The following TRPM6 variants were observed in gnomAD, a reference collection of about 807,000 sequenced individuals.
The protein encoded by TRPM6 is channel kinase 2.
TRPM6 carries 111 observed loss-of-function variants against 247.6 expected under a neutral mutation model. The observed-to-expected ratio is 0.45, with a 90% CI of 0.38 to 0.52. The LOEUF (loss-of-function observed/expected upper bound fraction) is 0.52, where lower values mean the gene tolerates loss of function less well. TRPM6 is among the 20% of genes least tolerant of loss of function. The pLI is 0.00. For missense variants in TRPM6, 2,126 were observed against 2,421.5 expected (o/e 0.88, Z 2.56); for synonymous variants, 892 against 853.8 (o/e 1.04, Z -0.78).
chr9:74,845,799 C>A (rs565722850), intron 3 of TRPM6, among the ~76,000 whole-genome samples: 1 of 152,234 alleles, frequency 6.6e-6, no homozygotes, highest in African/African-American at 2.4e-5. Flanking sequence ...TGCACTCCAG[C>A]CTGGGCAACA....
At position 74,728,358 on chromosome 9, in the gene TRPM6, T is replaced by C. The variant is rs758375166; in HGVS notation, c.5829-13A>G. On this transcript the variant is annotated splice_polypyrimidine_tract_variant and intron_variant, in intron 37 of 38. Coordinates refer to ENST00000360774, the MANE Select transcript of TRPM6 (RefSeq NM_017662.5). ...CATTCCTCTTGATCTAGAGGAAATA[T>C]CAGAATATCAATTAGATCACAGCTA... The C allele has an allele frequency of 1.3e-6, 2 of 1,554,344 alleles. No individual in the cohort carries two copies. Among genetic ancestry groups the C allele is most frequent in the Non-Finnish European group, 1.8e-6 (2 of 1,125,746 alleles).
chr9:74,820,639 C>A (rs1004716781), intron 8 of TRPM6, among the ~76,000 whole-genome samples: 1 of 152,156 alleles, frequency 6.6e-6, no homozygotes, highest in Non-Finnish European at 1.5e-5. Flanking sequence ...TGATGGCTCA[C>A]ACCTGTAATC....
chr9:74,845,268 G>A (rs2118232840), intron 3 of TRPM6, among the ~76,000 whole-genome samples: 1 of 152,284 alleles, frequency 6.6e-6, no homozygotes, highest in East Asian at 1.9e-4. Context: ...TATAAAAAAT[G>A]CAATATCAGT....
intron 3 of TRPM6, among the ~76,000 whole-genome samples, chr9:74,847,825 T>C (rs115449202): frequency 0.014 from 2,100 of 152,106 alleles, 58 homozygotes; most frequent in African/African-American, 0.048. Context: ...GAAAAATAGA[T>C]AAATAATGAA....
At chr9:74,823,604 C>A (rs1322326858) in intron 7 of TRPM6, among the ~76,000 whole-genome samples, 3 of 152,094 alleles carry the variant, frequency 2.0e-5, no homozygotes, top group African/African-American at 7.2e-5. Context: ...AAAAGCATAT[C>A]TATGATGTAC....
At chr9:74,848,367 C>T (rs1043217108) in intron 3 of TRPM6, among the ~76,000 whole-genome samples, 5 of 152,114 alleles carry the variant, frequency 3.3e-5, no homozygotes, top group Admixed American at 6.5e-5. Context: ...AAGCCACTAA[C>T]GGGTGGGGAG....
At chr9:74,778,449 C>T (rs1380293356) in intron 23 of TRPM6, among the ~76,000 whole-genome samples, 1 of 152,198 alleles carries the variant, frequency 6.6e-6, no homozygotes, top group Non-Finnish European at 1.5e-5. Flanking sequence ...CATCCCAGTG[C>T]CATGTTGGCT....
intron 1 of TRPM6, among the ~76,000 whole-genome samples, chr9:74,872,987 G>A (rs374253126): frequency 7.2e-5 from 11 of 152,020 alleles, no homozygotes; most frequent in African/African-American, 1.4e-4. Context: ...CCAAGGGCTC[G>A]TCATTATTCT....
chr9:74,735,376 G>C (rs1020788886), intron 36 of TRPM6, among the ~76,000 whole-genome samples: 1 of 152,076 alleles, frequency 6.6e-6, no homozygotes, highest in African/African-American at 2.4e-5. Flanking sequence ...CCTTTATGAG[G>C]AACTCAAGAT....
chr9:74,745,760 A>C (rs550635766), intron 31 of TRPM6, among the ~76,000 whole-genome samples: 2 of 152,328 alleles, frequency 1.3e-5, no homozygotes, highest in South Asian at 4.1e-4. Flanking sequence ...GGAAAGCAGA[A>C]CAGAGTATTG....
intron 21 of TRPM6, among the ~76,000 whole-genome samples, chr9:74,784,179 C>T (rs1827563746): frequency 6.6e-6 from 1 of 151,018 alleles, no homozygotes; most frequent in South Asian, 2.1e-4. Flanking sequence ...AGGAGAATCG[C>T]TTGAACGCAG....
At chr9:74,861,483 A>G (rs1830688836) in intron 1 of TRPM6, among the ~76,000 whole-genome samples, 1 of 152,232 alleles carries the variant, frequency 6.6e-6, no homozygotes, top group African/African-American at 2.4e-5. Context: ...TATCTAATGT[A>G]GAAGCCTGTA....
intron 24 of TRPM6, 45 bp downstream of exon 24, chr9:74,775,838 C>G: frequency 2.5e-6 from 4 of 1,601,064 alleles, no homozygotes; most frequent in Non-Finnish European, 3.4e-6. Context: ...TGCCTTGAAT[C>G]CTACTTTTTG....
At chr9:74,849,452 T>G (rs559976446) in intron 3 of TRPM6, among the ~76,000 whole-genome samples, 3 of 151,762 alleles carry the variant, frequency 2.0e-5, no homozygotes, top group African/African-American at 4.8e-5. Flanking sequence ...ATCCCCAGGA[T>G]GTGTGCACAC....
At chr9:74,853,928 GATAA>G (rs913685927) in intron 3 of TRPM6, among the ~76,000 whole-genome samples, 2 of 151,986 alleles carry the variant, frequency 1.3e-5, no homozygotes. Flanking sequence ...ATTTTTAAAA[GATAA>G]ATAAAGTATA....
intron 15 of TRPM6, among the ~76,000 whole-genome samples, chr9:74,803,014 C>A (rs1360726121): frequency 6.6e-6 from 1 of 152,120 alleles, no homozygotes; most frequent in Non-Finnish European, 1.5e-5. Flanking sequence ...TAATGCCTGG[C>A]AAATACTAAA....
At chr9:74,799,519 C>T (rs564139017) in intron 17 of TRPM6, among the ~76,000 whole-genome samples, 37 of 145,578 alleles carry the variant, frequency 2.5e-4, no homozygotes, top group African/African-American at 9.2e-4. Flanking sequence ...GAAACAGTCA[C>T]TTATTCTCTC....
rs1437389136 is a variant in TRPM6 at position 74,739,350 on chromosome 9, T to A, written c.5570+17A>T. 1 of 1,611,030 alleles carries A rather than the reference T, an allele frequency of 6.2e-7. No individual in the cohort carries two copies. The highest frequency in any genetic ancestry group is 1.3e-5 in the African/African-American group (1 of 74,862). Reference sequence around the variant, plus strand: ...TCCTACTTGAAACAAAGGGCCAAGGTGCCAAGATTTTCTTACCTTGGTGTG... The same window carrying A: ...TCCTACTTGAAACAAAGGGCCAAGGAGCCAAGATTTTCTTACCTTGGTGTG... On this transcript the variant is annotated intron_variant, in intron 35 of 38. Coordinates refer to ENST00000360774, the MANE Select transcript of TRPM6 (RefSeq NM_017662.5).
intron 25 of TRPM6, among the ~76,000 whole-genome samples, chr9:74,764,918 C>T (rs1435687091): frequency 1.3e-5 from 2 of 151,956 alleles, no homozygotes; most frequent in Non-Finnish European, 2.9e-5. Flanking sequence ...TAAGGAAACC[C>T]AGTAAAATAG....
Sources: allele counts gnomAD v4.1 joint callset (sites outside exome capture counted in the v4.1 genomes callset), GRCh38; gene constraint gnomAD v4.1.1; transcripts MANE v1.5; gene names NCBI Gene and HGNC (gene_info 2026-07-23, HGNC 2026-07-21).